The following SLC25A47 variants were observed in gnomAD, a reference collection of about 807,000 sequenced individuals.
SLC25A47 encodes the protein HCC-down-regulated mitochondrial carrier protein.
A neutral mutation model predicts 29.8 loss-of-function variants in SLC25A47; 30 were observed. The observed-to-expected ratio is 1.01, with a 90% CI of 0.75 to 1.36. The LOEUF is 1.36. Among genes scored for constraint, SLC25A47 ranks in the 40% most tolerant of loss-of-function variants. The pLI, the probability that SLC25A47 is intolerant of heterozygous loss-of-function variation, is 0.00. For missense variants in SLC25A47, 430 were observed against 441.9 expected, an observed-to-expected ratio of 0.97 and a Z score of 0.24; for synonymous variants, 204 against 197.8, an observed-to-expected ratio of 1.03 and a Z score of -0.26.
In SLC25A47 at chr14:100,328,771, ACGCAGACACAGG is replaced by A; in HGVS notation, c.380_391del (p.Thr127_Gln130del). 1 of 1,612,938 alleles carries A rather than the reference ACGCAGACACAGG, an allele frequency of 6.2e-7. No individual in the cohort carries two copies. Among genetic ancestry groups the A allele is most frequent in the Non-Finnish European group, 8.5e-7 (1 of 1,179,922 alleles). ...TGAGGTGGCCAAAGTCCGCTTGCAGACGCAGACACAGGCGCAGAAGCAGCAGCGGCGGCTTTC... is the reference window on the plus strand; with the variant it reads ...TGAGGTGGCCAAAGTCCGCTTGCAGACGCAGAAGCAGCAGCGGCGGCTTTC... On this transcript the variant is annotated inframe_deletion, in exon 5 of 6. Coordinates refer to ENST00000361529, the MANE Select transcript of SLC25A47 (RefSeq NM_207117.4).
chr14:100,328,788 G>A lies in SLC25A47; in HGVS notation c.390G>A (p.Gln130=). 3 of 1,613,028 alleles carry A rather than the reference G, an allele frequency of 1.9e-6. No homozygotes were observed. The highest frequency in any genetic ancestry group is 2.5e-6 in the Non-Finnish European group (3 of 1,179,940). ...KVRLQTQTQA[Q]KQQRRLSASG... ...GCTTGCAGACGCAGACACAGGCGCAGAAGCAGCAGCGGCGGCTTTCGGCCT... is the reference window on the plus strand; with the variant it reads ...GCTTGCAGACGCAGACACAGGCGCAAAAGCAGCAGCGGCGGCTTTCGGCCT... Residue 130 remains glutamine, a synonymous_variant, in exon 5 of 6, where the codon CAG becomes CAA. Coordinates refer to ENST00000361529, the MANE Select transcript of SLC25A47 (RefSeq NM_207117.4).
intron 1 of SLC25A47, 87 bp from the exon 2 acceptor site, chr14:100,325,701 G>GTGCGCTC: frequency 7.1e-7 from 1 of 1,404,532 alleles, no homozygotes; most frequent in Non-Finnish European, 9.8e-7. Flanking sequence ...CCCAGTCAGC[G>GTGCGCTC]TGCGCTCTGC....
chr14:100,329,709 G>A lies in SLC25A47; in HGVS notation c.*64G>A. On this transcript the variant is annotated 3_prime_UTR_variant, in exon 6 of 6. Transcript: ENST00000361529. Reference sequence around the variant, plus strand: ...CTGGAGGTCGTAGTGGCTGGAGGAGGCAAGGGGTAGTGTGGCTGGGTTCGG... The same window carrying A: ...CTGGAGGTCGTAGTGGCTGGAGGAGACAAGGGGTAGTGTGGCTGGGTTCGG... 1 of 1,554,092 alleles carries A rather than the reference G, an allele frequency of 6.4e-7. No individual in the cohort carries two copies. Among genetic ancestry groups the A allele is most frequent in the Non-Finnish European group, 8.7e-7 (1 of 1,151,818 alleles).
In SLC25A47 at chr14:100,327,221, G is replaced by A. The variant is rs377111566; in HGVS notation, c.178G>A (p.Val60Met). Residue 60 changes from valine to methionine, a missense_variant, in exon 4 of 6, where the codon GTG becomes ATG. Transcript: ENST00000361529. Reference protein sequence around the residue: ...WGFYRGLSLPVCTVSLVSSVS... With the variant: ...WGFYRGLSLPMCTVSLVSSVS... ...CTTCTACCGGGGCCTCTCGCTGCCC[G>A]TGTGCACGGTGTCCCTGGTATCTTC... 2.7e-5 allele frequency: 44 copies of A among 1,609,348 alleles called. No homozygotes were observed. The highest frequency in any genetic ancestry group is 2.0e-4 in the African/African-American group (15 of 74,932).
chr14:100,329,115 GC>G, intron 5 of SLC25A47, 71 bp downstream of exon 5: 1 of 1,512,654 alleles, frequency 6.6e-7, no homozygotes, highest in South Asian at 1.2e-5. Flanking sequence ...AGGTCGTGCT[GC>G]CCGCCAGTAC....
Position 100,329,568 on chromosome 14 carries a change from C to A in SLC25A47, c.850C>A (p.Arg284Ser). The A allele has an allele frequency of 1.9e-6, 3 of 1,613,652 alleles. No homozygotes were observed. The South Asian group carries it at 3.3e-5, about 18-fold the overall frequency. The change falls in exon 6 of 6, where the codon CGC becomes AGC. Residue 284 changes from arginine (R) to serine (S), a missense_variant. Coordinates refer to ENST00000361529, the MANE Select transcript of SLC25A47 (RefSeq NM_207117.4). ...LFKGLVLNCC[R>S]AFPVNMVVFV... ...CAAGGGGCTGGTACTCAATTGCTGC[C>A]GCGCCTTCCCTGTCAACATGGTGGT...
At position 100,328,918 on chromosome 14, in the gene SLC25A47, G is replaced by A. The variant is rs1893392469; in HGVS notation, c.520G>A (p.Gly174Arg). The change falls in exon 5 of 6, where the codon GGG becomes AGG. Residue 174 changes from glycine (G) to arginine (R), a missense_variant. Transcript: ENST00000361529. ...HCLATVAREE[G>R]LCGLYKGSSA... is the part of the protein sequence containing the mutation. ...CCTGGCCACGGTAGCCCGTGAGGAG[G>A]GGCTGTGCGGCCTCTACAAGGGCAG... The A allele has an allele frequency of 1.2e-6, 2 of 1,608,824 alleles. No homozygotes were observed. The highest frequency in any genetic ancestry group is 1.1e-5 in the South Asian group (1 of 91,086).
chr14:100,324,330 T>C (rs1893300636), intron 1 of SLC25A47, among the ~76,000 whole-genome samples: 1 of 152,158 alleles, frequency 6.6e-6, no homozygotes, highest in Non-Finnish European at 1.5e-5. Flanking sequence ...GTTCAAGTGA[T>C]TCTCCTGCCT....
chr14:100,325,974 C>A, intron 2 of SLC25A47, 143 bp downstream of exon 2: 1 of 1,018,338 alleles, frequency 9.8e-7, no homozygotes, highest in Non-Finnish European at 1.4e-6. Context: ...GGGACTATGT[C>A]AGTCCCACTT....
In SLC25A47 at chr14:100,329,794, G is replaced by A; in HGVS notation, c.*149G>A. On this transcript the variant is annotated 3_prime_UTR_variant, in exon 6 of 6. Coordinates refer to ENST00000361529, the MANE Select transcript of SLC25A47 (RefSeq NM_207117.4). ...GCCTCCCTGCAGTGTTGTCGGCCGA[G>A]GCCTGAGCTCGCCCTGCCCAGCTAC... 8.9e-7 allele frequency: 1 copy of A among 1,122,702 alleles called. No individual in the cohort carries two copies. The highest frequency in any genetic ancestry group is 1.2e-6 in the Non-Finnish European group (1 of 804,330). 69.5% of individuals were successfully genotyped at this position (1,122,702 alleles called of 1,614,324 possible). A position where few individuals can be genotyped will look rare whatever the true frequency, so the allele number is the denominator to read the frequency against.
At position 100,329,679 on chromosome 14, in the gene SLC25A47, A is replaced by T. The variant is rs1893415491; in HGVS notation, c.*34A>T. 1.3e-6 allele frequency: 2 copies of T among 1,583,232 alleles called. No individual in the cohort carries two copies. ...CACGCCCAGCGGCCCACCCACCAGCAGCTGCTGGAGGTCGTAGTGGCTGGA... is the reference window on the plus strand; with the variant it reads ...CACGCCCAGCGGCCCACCCACCAGCTGCTGCTGGAGGTCGTAGTGGCTGGA... On this transcript the variant is annotated 3_prime_UTR_variant, in exon 6 of 6. Coordinates refer to ENST00000361529, the MANE Select transcript of SLC25A47 (RefSeq NM_207117.4).
chr14:100,323,571 G>T, intron 1 of SLC25A47, 129 bp downstream of exon 1: 1 of 1,118,530 alleles, frequency 8.9e-7, no homozygotes, highest in Non-Finnish European at 1.3e-6. Context: ...GGATCTGCCA[G>T]GAGCAGAGAG....
intron 4 of SLC25A47, 25 bp downstream of exon 4, chr14:100,327,395 G>A (rs1264511965): frequency 6.4e-7 from 1 of 1,573,174 alleles, no homozygotes; most frequent in Non-Finnish European, 8.6e-7. Context: ...CCAGGGTGGG[G>A]AAGGCCCAAG....
rs139690768 is a variant in SLC25A47 at position 100,327,235 on chromosome 14, C to G, written c.192C>G (p.Ser64=). ...RGLSLPVCTV[S]LVSSVSFGTY... ...TCTCGCTGCCCGTGTGCACGGTGTC[C>G]CTGGTATCTTCCGTGTCTTTTGGCA... The change falls in exon 4 of 6, where the codon TCC becomes TCG. Residue 64 remains serine (S), a synonymous_variant. Transcript: ENST00000361529. 1.2e-6 allele frequency: 2 copies of G among 1,609,600 alleles called. No homozygotes were observed. Among genetic ancestry groups the G allele is most frequent in the Non-Finnish European group, 1.7e-6 (2 of 1,179,932 alleles).
At position 100,329,383 on chromosome 14, in the gene SLC25A47, T is replaced by C. The variant is rs1299661743; in HGVS notation, c.665T>C (p.Val222Ala). 6.2e-7 allele frequency: 1 copy of C among 1,605,024 alleles called. No homozygotes were observed. The highest frequency in any genetic ancestry group is 8.5e-7 in the Non-Finnish European group (1 of 1,175,726). ...TCTGCAGATGTCCCGGGCGTGCTGG[T>C]GGCCGGGGGCTGTGCAGGAGTCCTG... is the stretch of plus-strand genomic sequence containing the variant. Reference protein sequence around the residue: ...HSRPDVPGVLVAGGCAGVLAW... With the variant: ...HSRPDVPGVLAAGGCAGVLAW... Residue 222 changes from valine (V) to alanine (A), a missense_variant, in exon 6 of 6, where the codon GTG becomes GCG. Physicochemically the swap from Val to Ala is moderately conservative, Grantham distance 64. Transcript: ENST00000361529.
chr14:100,328,728 G>A lies in SLC25A47; in HGVS notation c.330G>A (p.Val110=), dbSNP rs150176229. ...CCCTGCTTCCTTCTCTGCTCCAGGT[G>A]TTCCTGACGTCGCCCACTGAGGTGG... The part of the protein sequence containing the change: ...LSGCASGLVR[V]FLTSPTEVAK... Residue 110 remains valine (V), a splice_region_variant and synonymous_variant, in exon 5 of 6, where the codon GTG becomes GTA. Coordinates refer to ENST00000361529, the MANE Select transcript of SLC25A47 (RefSeq NM_207117.4). The A allele has an allele frequency of 2.2e-5, 35 of 1,613,010 alleles. No individual in the cohort carries two copies. Among genetic ancestry groups the A allele is most frequent in the Non-Finnish European group, 2.8e-5 (33 of 1,179,944 alleles).
At chr14:100,326,514 T>A (rs1893342709) in intron 3 of SLC25A47, among the ~76,000 whole-genome samples, 1 of 152,196 alleles carries the variant, frequency 6.6e-6, no homozygotes. Flanking sequence ...TTCTGTCTCC[T>A]CCAGGCCAGG....
rs1196837110 is a variant in SLC25A47, at chr14:100,327,271, C to T, written c.228C>T (p.His76=). 2.5e-6 allele frequency: 4 copies of T among 1,607,524 alleles called. No homozygotes were observed. In the Admixed American group the frequency reaches 5.0e-5, roughly 20 times the overall value. Reference sequence around the variant, plus strand: ...CCGTGTCTTTTGGCACCTACCGCCACTGCCTGGCGCACATCTGCCGGCTCC... The same window carrying T: ...CCGTGTCTTTTGGCACCTACCGCCATTGCCTGGCGCACATCTGCCGGCTCC... ...VSSVSFGTYR[H]CLAHICRLRY... is the part of the protein sequence containing the mutation. Residue 76 remains histidine, a synonymous_variant, in exon 4 of 6, where the codon CAC becomes CAT. Coordinates refer to ENST00000361529, the MANE Select transcript of SLC25A47 (RefSeq NM_207117.4).
chr14:100,326,306 C>A, intron 3 of SLC25A47, 78 bp downstream of exon 3: 1 of 1,323,954 alleles, frequency 7.6e-7, no homozygotes, highest in Non-Finnish European at 1.1e-6. Context: ...GCAGGTGATG[C>A]CAGGCTCCCC....
Sources: gnomAD v4.1 joint callset for allele counts (sites outside exome capture counted in the v4.1 genomes callset) on GRCh38, gnomAD v4.1.1 for gene constraint, MANE v1.5 for transcripts, NCBI Gene and HGNC (gene_info 2026-07-23, HGNC 2026-07-21) for gene names.